Variants in LY75 observed in about 807,000 individuals in gnomAD.
LY75 encodes the protein C-type lectin domain family 13 member B.
Under a neutral mutation model 231.7 loss-of-function variants are expected in LY75, and 185 were observed. The observed-to-expected ratio is 0.80, with a 90% CI of 0.71 to 0.90. The LOEUF is 0.90. Among genes scored for constraint, LY75 ranks in the 40% least tolerant of loss-of-function variants. The pLI is 0.00. For synonymous variants in LY75, 668 were observed against 689.0 expected, an observed-to-expected ratio of 0.97 and a Z score of 0.48; for missense variants, 1,947 against 2,050.2, an observed-to-expected ratio of 0.95 and a Z score of 0.97.
intron 28 of LY75, among the ~76,000 whole-genome samples, chr2:159,823,477 T>G (rs1683364390): frequency 6.6e-6 from 1 of 152,108 alleles, no homozygotes. Flanking sequence ...GTTTGACTGG[T>G]GTACCTGAAA....
At position 159,893,900 on chromosome 2, in the gene LY75, C is replaced by A; in HGVS notation, c.637+14G>T. On this transcript the variant is annotated intron_variant, in intron 3 of 34. Coordinates refer to ENST00000263636, the MANE Select transcript of LY75 (RefSeq NM_002349.4). ...TACTACCTTTCCACATAAAATTTAC[C>A]AGCCCATACATACCAGGCTTTAAGC... 2 of 1,587,246 alleles carry A rather than the reference C, an allele frequency of 1.3e-6. No individual in the cohort carries two copies. The highest frequency in any genetic ancestry group is 1.7e-6 in the Non-Finnish European group (2 of 1,167,842).
intron 31 of LY75, among the ~76,000 whole-genome samples, chr2:159,811,045 TA>T (rs1449739478): frequency 1.3e-5 from 2 of 152,184 alleles, no homozygotes; most frequent in South Asian, 2.1e-4. Context: ...TGTTTATTAT[TA>T]TTTTTTTTAG....
At chr2:159,899,186 G>A in intron 1 of LY75, 127 bp from the exon 2 acceptor site, 1 of 1,485,894 alleles carries the variant, frequency 6.7e-7, no homozygotes, top group Non-Finnish European at 9.0e-7. Flanking sequence ...TTTTTAAGCT[G>A]CAGGGGACTA....
At chr2:159,872,727 C>A (rs1487678061) in intron 12 of LY75, 134 bp from the exon 13 acceptor site, 21 of 987,824 alleles carry the variant, frequency 2.1e-5, no homozygotes, top group Non-Finnish European at 3.1e-5. Context: ...TAGGTAAATG[C>A]ACATATACTG....
At chr2:159,830,802 A>G (rs2729708) in intron 28 of LY75, among the ~76,000 whole-genome samples, 88,724 of 151,850 alleles carry the variant, frequency 0.58, 28,096 homozygotes, top group East Asian at 0.8. Context: ...GGCTGGTCTC[A>G]AACTCCTGAC....
chr2:159,815,157 T>C (rs1968344), intron 31 of LY75, among the ~76,000 whole-genome samples: 89,598 of 151,938 alleles, frequency 0.59, 27,033 homozygotes, highest in Admixed American at 0.73. Context: ...CCCGCCACCA[T>C]GCCCAGCTAT....
At chr2:159,832,409 G>T (rs1301632861) in intron 27 of LY75, among the ~76,000 whole-genome samples, 2 of 152,134 alleles carry the variant, frequency 1.3e-5, no homozygotes, top group Admixed American at 6.5e-5. Context: ...ATCTAACTAA[G>T]GTCTGATGAT....
At chr2:159,853,035 T>C (rs1684450679) in intron 20 of LY75, among the ~76,000 whole-genome samples, 1 of 152,194 alleles carries the variant, frequency 6.6e-6, no homozygotes, top group Non-Finnish European at 1.5e-5. Flanking sequence ...ACTTATCAGT[T>C]AGGAAAGTGG....
intron 3 of LY75, among the ~76,000 whole-genome samples, chr2:159,890,609 TATC>T (rs1685723344): frequency 2.0e-5 from 3 of 152,156 alleles, no homozygotes. Flanking sequence ...ATTCTCCTTT[TATC>T]CCTATCAATT....
intron 16 of LY75, among the ~76,000 whole-genome samples, chr2:159,856,594 G>C (rs1205508200): frequency 2.0e-5 from 3 of 152,086 alleles, no homozygotes; most frequent in Non-Finnish European, 4.4e-5. Context: ...GTCAAAAAAG[G>C]GTGAACATAA....
chr2:159,811,459 A>G (rs1244364641), intron 31 of LY75, among the ~76,000 whole-genome samples: 1 of 152,218 alleles, frequency 6.6e-6, no homozygotes, highest in Non-Finnish European at 1.5e-5. Context: ...AGAGCATATG[A>G]AAACTGGAAA....
chr2:159,814,675 AAAGAT>A (rs1683061804), intron 31 of LY75, among the ~76,000 whole-genome samples: 1 of 150,394 alleles, frequency 6.6e-6, no homozygotes. Context: ...AAGAAAAAGA[AAAGAT>A]AAGAAAAGAA....
At chr2:159,862,328 A>G (rs1684732929) in intron 14 of LY75, among the ~76,000 whole-genome samples, 1 of 149,494 alleles carries the variant, frequency 6.7e-6, no homozygotes. Context: ...GCGTGATGGC[A>G]TGCATCTGTG....
intron 16 of LY75, among the ~76,000 whole-genome samples, chr2:159,855,453 C>A (rs528563786): frequency 1.3e-5 from 2 of 152,122 alleles, no homozygotes; most frequent in Admixed American, 1.3e-4. Flanking sequence ...CAGTGTTGAA[C>A]CTTTTGAGAA....
At chr2:159,818,971 A>G (rs1683205020) in intron 29 of LY75, among the ~76,000 whole-genome samples, 1 of 152,186 alleles carries the variant, frequency 6.6e-6, no homozygotes, top group Non-Finnish European at 1.5e-5. Context: ...GAACTGGGAG[A>G]AGGCCTAGAA....
intron 8 of LY75, among the ~76,000 whole-genome samples, chr2:159,879,752 T>C (rs1395570687): frequency 6.6e-6 from 1 of 152,112 alleles, no homozygotes; most frequent in African/African-American, 2.4e-5. Context: ...CAACCTCCCT[T>C]TCTCGGTTTC....
chr2:159,835,781 AC>A (rs1446262994), intron 25 of LY75, 136 bp from the exon 26 acceptor site: 19 of 1,139,362 alleles, frequency 1.7e-5, no homozygotes, highest in Non-Finnish European at 2.0e-5. Context: ...TTACTACATA[AC>A]AAGCATTGTT....
At chr2:159,865,311 A>G (rs562509230) in intron 13 of LY75, among the ~76,000 whole-genome samples, 1 of 152,278 alleles carries the variant, frequency 6.6e-6, no homozygotes, top group East Asian at 1.9e-4. Context: ...ATGCAGAACT[A>G]TTTGGCTAAA....
At chr2:159,874,189 A>AACGTAT (rs1174413884) in intron 12 of LY75, among the ~76,000 whole-genome samples, 267 of 81,656 alleles carry the variant, frequency 3.3e-3, no homozygotes, top group East Asian at 4.2e-3. Context: ...AATATATATA[A>AACGTAT]ATATATTGTA....
Sources: gnomAD v4.1 joint callset for allele counts (sites outside exome capture counted in the v4.1 genomes callset) on GRCh38, gnomAD v4.1.1 for gene constraint, MANE v1.5 for transcripts, NCBI Gene and HGNC (gene_info 2026-07-23, HGNC 2026-07-21) for gene names.